Variants in NELL2 observed in about 807,000 individuals in gnomAD.
NELL2 encodes neural EGFL like 2.
A neutral mutation model predicts 109.6 loss-of-function variants in NELL2; 41 were observed. The ratio of observed to expected loss-of-function variants is 0.37; its 90% CI spans 0.29 to 0.49. NELL2 has a LOEUF of 0.49. NELL2 is among the 20% of genes least tolerant of loss of function. NELL2 has a pLI of 0.98. For synonymous variants in NELL2, 355 were observed against 344.7 expected, an observed-to-expected ratio of 1.03 and a Z score of -0.33; for missense variants, 900 against 1,008.3, an observed-to-expected ratio of 0.89 and a Z score of 1.45.
At chr12:44,861,501 A>C (rs987846463) in intron 2 of NELL2, among the ~76,000 whole-genome samples, 4 of 152,160 alleles carry the variant, frequency 2.6e-5, no homozygotes, top group Non-Finnish European at 4.4e-5. Flanking sequence ...TGGCCCCCAT[A>C]GACCCAGGCT....
chr12:44,642,497 G>A (rs1302892888), intron 13 of NELL2, among the ~76,000 whole-genome samples: 1 of 152,150 alleles, frequency 6.6e-6, no homozygotes, highest in Admixed American at 6.5e-5. Context: ...TCTGTTCAAT[G>A]GGTATAAAGT....
At chr12:44,851,991 T>A (rs982517189) in intron 2 of NELL2, 2 of 152,202 alleles carry the variant, frequency 1.3e-5, no homozygotes, top group Non-Finnish European at 2.9e-5. Context: ...CTTCTCTAAT[T>A]AAAAGCAAGT....
At chr12:44,844,563 A>T (rs933809271) in intron 2 of NELL2, among the ~76,000 whole-genome samples, 2 of 152,220 alleles carry the variant, frequency 1.3e-5, no homozygotes, top group African/African-American at 2.4e-5. Flanking sequence ...GTCACCTGGA[A>T]AGATGCACAA....
chr12:44,723,389 G>A (rs1003833132), intron 9 of NELL2, among the ~76,000 whole-genome samples: 1 of 152,170 alleles, frequency 6.6e-6, no homozygotes, highest in Non-Finnish European at 1.5e-5. Flanking sequence ...ATATTCAGTA[G>A]AAGCCTTTTT....
chr12:44,560,476 T>C (rs186229942), intron 15 of NELL2, among the ~76,000 whole-genome samples: 5 of 151,870 alleles, frequency 3.3e-5, no homozygotes, highest in African/African-American at 9.7e-5. Flanking sequence ...ATAGACATAA[T>C]TAAAAAAATG....
intron 3 of NELL2, among the ~76,000 whole-genome samples, chr12:44,814,985 C>T (rs1331234936): frequency 6.6e-6 from 1 of 152,086 alleles, no homozygotes; most frequent in Non-Finnish European, 1.5e-5. Flanking sequence ...ACTTATGAAG[C>T]AGTACTATTA....
At chr12:44,755,632 C>T (rs566141296) in intron 9 of NELL2, among the ~76,000 whole-genome samples, 8 of 152,280 alleles carry the variant, frequency 5.3e-5, no homozygotes, top group Middle Eastern at 3.4e-3. Context: ...TTTACTTTCC[C>T]ATTCCAGCTT....
At chr12:44,609,559 T>G (rs4768562) in intron 14 of NELL2, among the ~76,000 whole-genome samples, 80,277 of 151,938 alleles carry the variant, frequency 0.53, 23,837 homozygotes, top group African/African-American at 0.82. Context: ...AGGGAACTGC[T>G]GTACTATACT....
intron 9 of NELL2, among the ~76,000 whole-genome samples, chr12:44,730,504 T>C (rs1056375920): frequency 1.3e-5 from 2 of 152,050 alleles, no homozygotes; most frequent in African/African-American, 2.4e-5. Flanking sequence ...TTCACAGATA[T>C]ATGGAAATTA....
chr12:44,713,852 A>G (rs1334599522), intron 10 of NELL2, among the ~76,000 whole-genome samples: 1 of 151,938 alleles, frequency 6.6e-6, no homozygotes. Context: ...AGCATAAATC[A>G]CTATCTTAAT....
At chr12:44,866,848 AT>A (rs1489669720) in intron 2 of NELL2, among the ~76,000 whole-genome samples, 1 of 152,102 alleles carries the variant, frequency 6.6e-6, no homozygotes, top group Non-Finnish European at 1.5e-5. Context: ...ATAAACAATT[AT>A]ATGCCAACAA....
intron 13 of NELL2, among the ~76,000 whole-genome samples, chr12:44,658,557 C>T (rs1383531593): frequency 6.6e-6 from 1 of 152,088 alleles, no homozygotes; most frequent in African/African-American, 2.4e-5. Flanking sequence ...ATCAAGCTAC[C>T]ATTGACTTTC....
At chr12:44,756,784 A>AT (rs1940910165) in intron 9 of NELL2, among the ~76,000 whole-genome samples, 1 of 152,072 alleles carries the variant, frequency 6.6e-6, no homozygotes, top group African/African-American at 2.4e-5. Flanking sequence ...CTTCTTATAG[A>AT]TTTTAAATGT....
chr12:44,615,111 A>G (rs1376891438), intron 13 of NELL2, among the ~76,000 whole-genome samples: 1 of 152,114 alleles, frequency 6.6e-6, no homozygotes, highest in East Asian at 1.9e-4. Flanking sequence ...ATTATGAGAA[A>G]TTGCTAAAGT....
At chr12:44,540,351 A>G (rs1942496932) in intron 15 of NELL2, among the ~76,000 whole-genome samples, 2 of 152,214 alleles carry the variant, frequency 1.3e-5, no homozygotes, top group South Asian at 2.1e-4. Flanking sequence ...GTGAAGTGGT[A>G]GAGATAGAAC....
rs762130980 is a variant in NELL2 at position 44,520,013 on chromosome 12, G to T, written c.2392C>A (p.Gln798Lys). The change falls in exon 19 of 20, where the codon CAG becomes AAG. Residue 798 changes from glutamine to lysine, a missense_variant. Physicochemically the swap from Gln to Lys is moderately conservative, Grantham distance 53 (BLOSUM62 1). Around this residue, in one of 4 missense-constraint regions of NELL2, gnomAD observed 333 missense variants for 432.3 expected, o/e 0.77. Coordinates refer to ENST00000429094, the MANE Select transcript of NELL2 (RefSeq NM_001145108.2). Reference sequence around the variant, plus strand: ...AATTTAATGGAGTTTACCTTGCACTGGCAGAGAGTACACTCAGTGCCATGT... The same window carrying T: ...AATTTAATGGAGTTTACCTTGCACTTGCAGAGAGTACACTCAGTGCCATGT... ...IKHGTECTLC[Q>K]CKNGHICCSV... The T allele has an allele frequency of 1.2e-6, 2 of 1,613,966 alleles. No homozygotes were observed. The highest frequency in any genetic ancestry group is 1.7e-6 in the Non-Finnish European group (2 of 1,179,882).
chr12:44,575,215 C>T (rs188646847), intron 15 of NELL2, among the ~76,000 whole-genome samples: 17 of 152,292 alleles, frequency 1.1e-4, no homozygotes, highest in Admixed American at 9.8e-4. Context: ...AATAGAAATT[C>T]GTGAGCACAA....
chr12:44,774,662 A>C, intron 9 of NELL2, 85 bp downstream of exon 9: 1 of 1,093,272 alleles, frequency 9.1e-7, no homozygotes, highest in Non-Finnish European at 1.4e-6. Flanking sequence ...TAGCTTGCCC[A>C]GATTAAACCA....
intron 15 of NELL2, among the ~76,000 whole-genome samples, chr12:44,559,788 A>G (rs1555176136): frequency 6.6e-6 from 1 of 152,198 alleles, no homozygotes; most frequent in Non-Finnish European, 1.5e-5. Flanking sequence ...AAAATTCACA[A>G]GGATATTCAG....
Sources: allele counts gnomAD v4.1 joint callset (sites outside exome capture counted in the v4.1 genomes callset), GRCh38; gene constraint gnomAD v4.1.1; regional missense constraint gnomAD v4.1.1; transcripts MANE v1.5; gene names NCBI Gene and HGNC (gene_info 2026-07-23, HGNC 2026-07-21).